The following CNTN5 variants were observed in gnomAD, a reference collection of about 807,000 sequenced individuals.
CNTN5 encodes the protein contactin 5.
A neutral mutation model predicts 129.1 loss-of-function variants in CNTN5; 77 were observed. The ratio of observed to expected loss-of-function variants is 0.60; its 90% CI spans 0.50 to 0.72. The LOEUF (loss-of-function observed/expected upper bound fraction) is 0.72, where lower values mean the gene tolerates loss of function less well. CNTN5 is among the 30% of genes least tolerant of loss of function. CNTN5 has a pLI of 0.00. For missense variants in CNTN5, 1,478 were observed against 1,328.8 expected, an observed-to-expected ratio of 1.11 and a Z score of -1.75; for synonymous variants, 509 against 465.6, an observed-to-expected ratio of 1.09 and a Z score of -1.20.
At chr11:99,832,404 A>G (rs754332888) in intron 4 of CNTN5, among the ~76,000 whole-genome samples, 2 of 152,100 alleles carry the variant, frequency 1.3e-5, no homozygotes, top group Non-Finnish European at 2.9e-5. Context: ...CCTCTCTTTT[A>G]TATCTGTACG....
intron 13 of CNTN5, among the ~76,000 whole-genome samples, chr11:100,114,359 G>A (rs565866484): frequency 2.6e-5 from 4 of 152,192 alleles, no homozygotes; most frequent in Non-Finnish European, 5.9e-5. Context: ...TCAGTATTTG[G>A]ATCATATTCC....
chr11:99,918,027 TC>T (rs1949839044), intron 7 of CNTN5, among the ~76,000 whole-genome samples: 1 of 152,122 alleles, frequency 6.6e-6, no homozygotes, highest in Non-Finnish European at 1.5e-5. Context: ...CTTCTTATTT[TC>T]TGAACAGCAT....
chr11:99,658,745 A>T (rs556107886), intron 3 of CNTN5, among the ~76,000 whole-genome samples: 75 of 145,996 alleles, frequency 5.1e-4, no homozygotes, highest in African/African-American at 1.7e-3. Flanking sequence ...AAAATTAGCC[A>T]GGCGCGGTGG....
chr11:99,843,832 A>G (rs1258574078), intron 4 of CNTN5, among the ~76,000 whole-genome samples: 1 of 152,350 alleles, frequency 6.6e-6, no homozygotes, highest in African/African-American at 2.4e-5. Flanking sequence ...TTATGTGATC[A>G]AATTCATGAT....
chr11:99,759,219 T>A (rs559100198), intron 3 of CNTN5, among the ~76,000 whole-genome samples: 43 of 152,152 alleles, frequency 2.8e-4, no homozygotes, highest in African/African-American at 1.0e-3. Context: ...AATGATGACA[T>A]CATGAGGGGA....
intron 3 of CNTN5, among the ~76,000 whole-genome samples, chr11:99,752,345 A>T (rs1591095556): frequency 6.6e-6 from 1 of 152,186 alleles, no homozygotes; most frequent in Non-Finnish European, 1.5e-5. Context: ...TCTAGAGGAG[A>T]TTTAAATTGC....
At chr11:100,136,615 A>T (rs750166131) in intron 13 of CNTN5, among the ~76,000 whole-genome samples, 108 of 152,160 alleles carry the variant, frequency 7.1e-4, no homozygotes, top group Admixed American at 2.6e-3. Context: ...ATAAATTTTT[A>T]CTACCAGGAC....
At chr11:99,813,138 G>T (rs765868515) in intron 3 of CNTN5, among the ~76,000 whole-genome samples, 3 of 151,998 alleles carry the variant, frequency 2.0e-5, no homozygotes, top group Non-Finnish European at 2.9e-5. Flanking sequence ...TCATTAAAAA[G>T]TTATTGAAAA....
chr11:99,710,803 G>A (rs1726592004), intron 3 of CNTN5, among the ~76,000 whole-genome samples: 2 of 151,930 alleles, frequency 1.3e-5, no homozygotes, highest in South Asian at 4.1e-4. Context: ...GAGAGAAAAG[G>A]CAGAGATTAA....
chr11:99,258,378 A>C (rs913330595), intron 1 of CNTN5, among the ~76,000 whole-genome samples: 1 of 152,014 alleles, frequency 6.6e-6, no homozygotes, highest in African/African-American at 2.4e-5. Context: ...CTCCCACTTA[A>C]AAGTGAGAAC....
intron 9 of CNTN5, among the ~76,000 whole-genome samples, chr11:100,014,574 C>T (rs569086833): frequency 8.6e-5 from 13 of 151,402 alleles, no homozygotes; most frequent in African/African-American, 2.7e-4. Context: ...AGTGAGACTC[C>T]GTCTCAAAAA....
At chr11:99,342,872 G>T (rs2136060830) in intron 2 of CNTN5, among the ~76,000 whole-genome samples, 1 of 152,174 alleles carries the variant, frequency 6.6e-6, no homozygotes, top group South Asian at 2.1e-4. Context: ...TGTTGTTCTA[G>T]CTGAGATATT....
At chr11:99,280,138 A>C (rs1485463504) in intron 1 of CNTN5, among the ~76,000 whole-genome samples, 2 of 151,828 alleles carry the variant, frequency 1.3e-5, no homozygotes, top group African/African-American at 4.8e-5. Context: ...TACCTACTTT[A>C]TTTTAGGTTC....
At chr11:99,597,606 C>T (rs1950165758) in intron 3 of CNTN5, among the ~76,000 whole-genome samples, 1 of 152,044 alleles carries the variant, frequency 6.6e-6, no homozygotes, top group Non-Finnish European at 1.5e-5. Context: ...TTTTCCGGTA[C>T]TGGTTATATC....
At chr11:99,205,332 C>T (rs1334943480) in intron 1 of CNTN5, among the ~76,000 whole-genome samples, 2 of 152,054 alleles carry the variant, frequency 1.3e-5, no homozygotes, top group Non-Finnish European at 2.9e-5. Context: ...ATTTCCATAA[C>T]CCTCCCCCTC....
At chr11:99,721,982 CAG>C (rs1161932840) in intron 3 of CNTN5, among the ~76,000 whole-genome samples, 5 of 151,984 alleles carry the variant, frequency 3.3e-5, no homozygotes, top group African/African-American at 1.2e-4. Flanking sequence ...AAGCTAATAA[CAG>C]ATGCTGGTGG....
chr11:99,316,779 A>C (rs1591513440), intron 1 of CNTN5, among the ~76,000 whole-genome samples: 1 of 152,076 alleles, frequency 6.6e-6, no homozygotes, highest in East Asian at 1.9e-4. Flanking sequence ...AAGTGAAGCA[A>C]ATCTCTCTGC....
intron 1 of CNTN5, among the ~76,000 whole-genome samples, chr11:99,201,982 T>A (rs1299845673): frequency 6.6e-6 from 1 of 152,214 alleles, no homozygotes; most frequent in Non-Finnish European, 1.5e-5. Flanking sequence ...AATATATCAA[T>A]GCATGCGTGT....
intron 2 of CNTN5, among the ~76,000 whole-genome samples, chr11:99,352,845 T>A (rs533109200): frequency 6.6e-6 from 1 of 152,282 alleles, no homozygotes; most frequent in South Asian, 2.1e-4. Context: ...CTTGTCAACA[T>A]CACTTCTAGT....
Sources: allele counts gnomAD v4.1 joint callset (sites outside exome capture counted in the v4.1 genomes callset), GRCh38; gene constraint gnomAD v4.1.1; transcripts MANE v1.5; gene names NCBI Gene and HGNC (gene_info 2026-07-23, HGNC 2026-07-21).